Variants in TRIM2 observed in about 807,000 individuals in gnomAD.
TRIM2 encodes tripartite motif-containing protein 2.
In TRIM2, 20 loss-of-function variants were observed where a neutral mutation model predicts 75.2. The observed-to-expected ratio is 0.27, with a 90% CI of 0.19 to 0.39. TRIM2 has a LOEUF of 0.39. TRIM2 is among the 10% of genes least tolerant of loss of function. TRIM2 has a pLI of 1.00. For missense variants in TRIM2, 660 were observed against 990.8 expected, an observed-to-expected ratio of 0.67 and a Z score of 4.48; for synonymous variants, 373 against 388.3, an observed-to-expected ratio of 0.96 and a Z score of 0.46.
chr4:153,315,375 A>T, intron 6 of TRIM2, 110 bp from the exon 7 acceptor site: 1 of 848,984 alleles, frequency 1.2e-6, no homozygotes, highest in Non-Finnish European at 1.8e-6. Flanking sequence ...AAGTATATTT[A>T]AAAACAATGC....
At chr4:153,239,586 C>T (rs1430242642) in intron 1 of TRIM2, among the ~76,000 whole-genome samples, 2 of 152,128 alleles carry the variant, frequency 1.3e-5, no homozygotes, top group Admixed American at 1.3e-4. Context: ...TAAGCAGTTG[C>T]ATCATCATTG....
intron 1 of TRIM2, among the ~76,000 whole-genome samples, chr4:153,262,185 T>C (rs1156401673): frequency 1.3e-5 from 2 of 152,210 alleles, no homozygotes; most frequent in East Asian, 3.8e-4. Context: ...GACAACAGTA[T>C]TGCAATAGAG....
intron 10 of TRIM2, among the ~76,000 whole-genome samples, chr4:153,326,400 T>G (rs1770184934): frequency 6.6e-6 from 1 of 152,242 alleles, no homozygotes; most frequent in Non-Finnish European, 1.5e-5. Flanking sequence ...TTTTGACAAC[T>G]ATTGCCAAAT....
At chr4:153,198,459 C>T (rs1733994268) in intron 1 of TRIM2, among the ~76,000 whole-genome samples, 1 of 152,204 alleles carries the variant, frequency 6.6e-6, no homozygotes, top group Admixed American at 6.5e-5. Flanking sequence ...GCCCTTCACC[C>T]TCCACCATGA....
chr4:153,276,221 C>T, intron 3 of TRIM2, 91 bp downstream of exon 3: 1 of 1,055,742 alleles, frequency 9.5e-7, no homozygotes, highest in South Asian at 1.4e-5. Context: ...CAGATTGAAA[C>T]AGAACTCCAT....
intron 1 of TRIM2, among the ~76,000 whole-genome samples, chr4:153,153,882 TC>T (rs1242510120): frequency 6.6e-6 from 1 of 152,218 alleles, no homozygotes; most frequent in Non-Finnish European, 1.5e-5. Context: ...ACTCGTTTCT[TC>T]CTTCTCTTCG....
chr4:153,292,946 G>A (rs758643539), intron 3 of TRIM2, 36 bp from the exon 4 acceptor site: 2 of 1,558,602 alleles, frequency 1.3e-6, no homozygotes, highest in African/African-American at 2.7e-5. Context: ...TCAACCCATG[G>A]CCCAGAACCA....
At chr4:153,205,642 T>C (rs35069979) in intron 1 of TRIM2, among the ~76,000 whole-genome samples, 48,409 of 151,872 alleles carry the variant, frequency 0.32, 8,156 homozygotes, top group Non-Finnish European at 0.39. Flanking sequence ...AAAGGTGAGG[T>C]TTAATTTTTA....
chr4:153,169,039 A>G (rs1730581422), intron 1 of TRIM2, among the ~76,000 whole-genome samples: 1 of 152,148 alleles, frequency 6.6e-6, no homozygotes, highest in Non-Finnish European at 1.5e-5. Flanking sequence ...TGATTGTACC[A>G]CTGCACTCCC....
chr4:153,301,253 T>G (rs1253273310), intron 6 of TRIM2, among the ~76,000 whole-genome samples: 2 of 151,986 alleles, frequency 1.3e-5, no homozygotes, highest in African/African-American at 4.8e-5. Flanking sequence ...AACTCTGGGC[T>G]CAATAGGCTC....
At chr4:153,262,457 T>C (rs577821866) in intron 1 of TRIM2, among the ~76,000 whole-genome samples, 1 of 152,344 alleles carries the variant, frequency 6.6e-6, no homozygotes, top group South Asian at 2.1e-4. Flanking sequence ...AGCTGGTCCA[T>C]CAGAATACAG....
intron 1 of TRIM2, among the ~76,000 whole-genome samples, chr4:153,259,908 C>T (rs1752979929): frequency 6.6e-6 from 1 of 152,196 alleles, no homozygotes; most frequent in African/African-American, 2.4e-5. Flanking sequence ...TTTTAGTATG[C>T]AAATGTTTCT....
intron 1 of TRIM2, among the ~76,000 whole-genome samples, chr4:153,166,537 T>TTC (rs1288657709): frequency 1.6e-5 from 1 of 63,514 alleles, no homozygotes; most frequent in African/African-American, 3.8e-5. Flanking sequence ...TTCCTTCCTT[T>TTC]TCTCTCTCTC....
At chr4:153,261,731 G>A (rs1264222707) in intron 1 of TRIM2, among the ~76,000 whole-genome samples, 1 of 152,152 alleles carries the variant, frequency 6.6e-6, no homozygotes, top group East Asian at 1.9e-4. Flanking sequence ...CTTTCTTCCT[G>A]CTCTTACTCA....
chr4:153,279,818 CTG>C (rs1758836530), intron 3 of TRIM2, among the ~76,000 whole-genome samples: 1 of 152,026 alleles, frequency 6.6e-6, no homozygotes, highest in Non-Finnish European at 1.5e-5. Flanking sequence ...TGGCACATGA[CTG>C]TAGTCGCAGC....
chr4:153,300,555 T>G (rs1463642577), intron 6 of TRIM2, among the ~76,000 whole-genome samples: 1 of 152,210 alleles, frequency 6.6e-6, no homozygotes, highest in Admixed American at 6.5e-5. Context: ...CAACATTTTT[T>G]TTTTTGAGAC....
At chr4:153,291,800 T>C (rs1761884095) in intron 3 of TRIM2, among the ~76,000 whole-genome samples, 1 of 152,222 alleles carries the variant, frequency 6.6e-6, no homozygotes, top group Admixed American at 6.5e-5. Context: ...TAAGAACTTA[T>C]TATGTACCAA....
At chr4:153,307,973 C>T (rs980858869) in intron 6 of TRIM2, 7 of 757,846 alleles carry the variant, frequency 9.2e-6, no homozygotes, top group Non-Finnish European at 1.7e-5. Flanking sequence ...GGGGCTTGTT[C>T]TGAATACACT....
chr4:153,322,406 G>A (rs1286470562), intron 8 of TRIM2, among the ~76,000 whole-genome samples: 4 of 152,070 alleles, frequency 2.6e-5, no homozygotes, highest in African/African-American at 9.7e-5. Context: ...ATGAGACTTC[G>A]TCTCAAAAAT....
Sources: gnomAD v4.1 joint callset for allele counts (sites outside exome capture counted in the v4.1 genomes callset) on GRCh38, gnomAD v4.1.1 for gene constraint, MANE v1.5 for transcripts, NCBI Gene and HGNC (gene_info 2026-07-23, HGNC 2026-07-21) for gene names.